Variants in MECOM observed in about 807,000 individuals in gnomAD.
MECOM encodes the protein histone-lysine N-methyltransferase MECOM.
Under a neutral mutation model 116.3 loss-of-function variants are expected in MECOM, and 13 were observed. The ratio of observed to expected loss-of-function variants is 0.11; its 90% CI spans 0.07 to 0.18. The LOEUF is 0.18. Ranked by LOEUF, MECOM falls within the 10% of genes least tolerant of loss-of-function variation. The pLI is 1.00. For missense variants in MECOM, 1,299 were observed against 1,509.0 expected (o/e 0.86, Z 2.31); for synonymous variants, 528 against 535.2 (o/e 0.99, Z 0.19).
intron 1 of MECOM, among the ~76,000 whole-genome samples, chr3:169,622,268 T>A (rs543473247): frequency 5.3e-5 from 8 of 152,254 alleles, no homozygotes; most frequent in Admixed American, 5.2e-4. Context: ...TTTTTTGTAT[T>A]TTTAGTAGAG....
intron 2 of MECOM, among the ~76,000 whole-genome samples, chr3:169,155,523 C>G (rs928415635): frequency 6.6e-6 from 1 of 152,080 alleles, no homozygotes; most frequent in South Asian, 2.1e-4. Context: ...TTACACCAAA[C>G]ATTAGTCTTC....
intron 2 of MECOM, 58 bp downstream of exon 2, chr3:169,381,129 A>T: frequency 4.1e-6 from 6 of 1,455,316 alleles, no homozygotes; most frequent in Non-Finnish European, 5.6e-6. Flanking sequence ...ATGCTTAAAC[A>T]ATCTCTTCTT....
chr3:169,661,273 C>G (rs1349322679), intron 1 of MECOM, among the ~76,000 whole-genome samples: 1 of 150,962 alleles, frequency 6.6e-6, no homozygotes, highest in Non-Finnish European at 1.5e-5. Flanking sequence ...AAAGGGCTAC[C>G]CACCCCCACC....
chr3:169,241,807 C>T (rs942393912), intron 2 of MECOM, among the ~76,000 whole-genome samples: 6 of 152,144 alleles, frequency 3.9e-5, no homozygotes, highest in Non-Finnish European at 8.8e-5. Context: ...TTGGCTACTT[C>T]AGCGAATCAA....
At chr3:169,492,953 C>A (rs1370695470) in intron 1 of MECOM, among the ~76,000 whole-genome samples, 4 of 152,120 alleles carry the variant, frequency 2.6e-5, no homozygotes, top group African/African-American at 9.7e-5. Flanking sequence ...GAGAGAGACT[C>A]CATTTTAAAA....
At chr3:169,574,510 G>A (rs1187864607) in intron 1 of MECOM, among the ~76,000 whole-genome samples, 1 of 152,172 alleles carries the variant, frequency 6.6e-6, no homozygotes, top group African/African-American at 2.4e-5. Context: ...AATTTGGAGA[G>A]GCCTAGCTAC....
At chr3:169,426,913 G>T (rs765279671) in intron 1 of MECOM, among the ~76,000 whole-genome samples, 1 of 152,088 alleles carries the variant, frequency 6.6e-6, no homozygotes, top group Non-Finnish European at 1.5e-5. Flanking sequence ...ATGTATACAC[G>T]TTAAATCTTT....
intron 9 of MECOM, among the ~76,000 whole-genome samples, chr3:169,110,624 C>CTCAG (rs1173367087): frequency 1.3e-5 from 2 of 152,204 alleles, no homozygotes; most frequent in Non-Finnish European, 2.9e-5. Flanking sequence ...CCAAACACCC[C>CTCAG]TCAGATAGTC....
At position 169,261,960 on chromosome 3, in the gene MECOM, C is replaced by T. The variant is rs1326166709; in HGVS notation, c.376-118128G>A. 2.6e-5 allele frequency among the ~76,000 whole-genome samples: 4 copies of T among 152,150 alleles called. No individual in the cohort carries two copies. In the East Asian group the frequency reaches 5.8e-4, roughly 22 times the overall value. On this transcript the variant is annotated intron_variant, in intron 2 of 16. Coordinates refer to ENST00000651503, the MANE Select transcript of MECOM (RefSeq NM_004991.4). ...AGGCCATTTTAACAGAAGCAATTGCCCCTAGTCTTTGCAGGAAAAAGAAAG... is the reference window on the plus strand; with the variant it reads ...AGGCCATTTTAACAGAAGCAATTGCTCCTAGTCTTTGCAGGAAAAAGAAAG...
chr3:169,534,209 C>T (rs181598268), intron 1 of MECOM, among the ~76,000 whole-genome samples: 18 of 151,740 alleles, frequency 1.2e-4, no homozygotes, highest in East Asian at 3.9e-4. Context: ...CAAGAGGCCA[C>T]GTAGTTTGTG....
chr3:169,343,903 CCAA>C (rs1229493605), intron 2 of MECOM, among the ~76,000 whole-genome samples: 1 of 152,086 alleles, frequency 6.6e-6, no homozygotes, highest in Non-Finnish European at 1.5e-5. Context: ...ATTCAAAATG[CCAA>C]CAAACTTTTG....
chr3:169,380,495 A>G (rs1732216573), intron 2 of MECOM, among the ~76,000 whole-genome samples: 1 of 152,200 alleles, frequency 6.6e-6, no homozygotes, highest in Non-Finnish European at 1.5e-5. Flanking sequence ...TAATCAGACT[A>G]TAACTTCTAA....
intron 1 of MECOM, among the ~76,000 whole-genome samples, chr3:169,561,064 T>G (rs1411641440): frequency 6.6e-6 from 1 of 151,412 alleles, no homozygotes; most frequent in Non-Finnish European, 1.5e-5. Context: ...TGAAAAGAGG[T>G]TCAATCTTCT....
At chr3:169,132,507 G>T (rs1735077613) in intron 3 of MECOM, among the ~76,000 whole-genome samples, 1 of 151,804 alleles carries the variant, frequency 6.6e-6, no homozygotes, top group East Asian at 1.9e-4. Context: ...TCATTCTAAG[G>T]TTATTTATTA....
chr3:169,263,114 TA>T (rs1757783537), intron 2 of MECOM, among the ~76,000 whole-genome samples: 5 of 100,044 alleles, frequency 5.0e-5, no homozygotes, highest in Non-Finnish European at 7.4e-5. Context: ...TATATATATA[TA>T]TATATATATA....
chr3:169,660,492 A>T (rs1376399593), intron 1 of MECOM, among the ~76,000 whole-genome samples: 1 of 152,134 alleles, frequency 6.6e-6, no homozygotes, highest in Non-Finnish European at 1.5e-5. Flanking sequence ...GGGCTCCTGT[A>T]CTGTAGTCAA....
chr3:169,297,933 A>G (rs1715948205), intron 2 of MECOM, among the ~76,000 whole-genome samples: 1 of 152,256 alleles, frequency 6.6e-6, no homozygotes, highest in South Asian at 2.1e-4. Context: ...AGTGCCTAAC[A>G]TGACAAAAGG....
At chr3:169,604,594 G>A (rs1276693772) in intron 1 of MECOM, among the ~76,000 whole-genome samples, 1 of 152,212 alleles carries the variant, frequency 6.6e-6, no homozygotes, top group African/African-American at 2.4e-5. Flanking sequence ...AAGACACAGG[G>A]AGCCCAGGAA....
chr3:169,397,501 C>T (rs1447375643), intron 1 of MECOM, among the ~76,000 whole-genome samples: 1 of 152,202 alleles, frequency 6.6e-6, no homozygotes, highest in East Asian at 1.9e-4. Flanking sequence ...ATTCCTCCCA[C>T]AAATATCCCA....
Sources: allele counts gnomAD v4.1 joint callset (sites outside exome capture counted in the v4.1 genomes callset), GRCh38; gene constraint gnomAD v4.1.1; transcripts MANE v1.5; gene names NCBI Gene and HGNC (gene_info 2026-07-23, HGNC 2026-07-21).